The following SV2C variants were observed in gnomAD, a reference collection of about 807,000 sequenced individuals.
SV2C encodes the protein synaptic vesicle glycoprotein 2C.
A neutral mutation model predicts 79.7 loss-of-function variants in SV2C; 49 were observed. The observed-to-expected ratio is 0.61, with a 90% CI of 0.49 to 0.78. SV2C has a LOEUF of 0.78. SV2C is among the 30% of genes least tolerant of loss of function. The probability of loss-of-function intolerance (pLI) is 0.00; values close to 1 mark genes in which losing one functional copy is unlikely to be tolerated. For missense variants in SV2C, 833 were observed against 912.9 expected (o/e 0.91, Z 1.13); for synonymous variants, 334 against 333.2 (o/e 1.00, Z -0.03).
the SV2C span, among the ~76,000 whole-genome samples, chr5:75,901,102 G>C: frequency 5.9e-5 from 9 of 152,132 alleles, no homozygotes; most frequent in Non-Finnish European, 1.3e-4. Context: ...GTCATTCTCC[G>C]TCCAGCTTTG....
At chr5:76,212,377 C>T (rs964804373) in intron 4 of SV2C, among the ~76,000 whole-genome samples, 3 of 152,162 alleles carry the variant, frequency 2.0e-5, no homozygotes, top group Non-Finnish European at 4.4e-5. Flanking sequence ...TGCTGCCCCA[C>T]TTATCATCTC....
intron 4 of SV2C, among the ~76,000 whole-genome samples, chr5:76,246,551 C>A (rs1301999503): frequency 6.6e-6 from 1 of 152,172 alleles, no homozygotes; most frequent in African/African-American, 2.4e-5. Context: ...GGAGGAAAAT[C>A]TCTGACTTGT....
At chr5:76,315,903 C>T (rs1445338822) in intron 12 of SV2C, among the ~76,000 whole-genome samples, 1 of 152,186 alleles carries the variant, frequency 6.6e-6, no homozygotes, top group East Asian at 1.9e-4. Flanking sequence ...ATCATAAACA[C>T]TTTCCCTTGG....
chr5:75,899,810 T>C, the SV2C span, among the ~76,000 whole-genome samples: 2 of 152,070 alleles, frequency 1.3e-5, no homozygotes, highest in South Asian at 2.1e-4. Context: ...GATCCCTTTA[T>C]CAGTATGTAA....
the SV2C span, among the ~76,000 whole-genome samples, chr5:76,029,803 T>C: frequency 1.3e-5 from 2 of 152,212 alleles, no homozygotes; most frequent in African/African-American, 4.8e-5. Context: ...CCATTTACCG[T>C]GGCGATGTTT....
the SV2C span, among the ~76,000 whole-genome samples, chr5:76,038,946 A>G: frequency 1.3e-5 from 2 of 152,354 alleles, no homozygotes; most frequent in East Asian, 3.8e-4. Context: ...CCTTTCCAGA[A>G]GAAACAGTAG....
intron 4 of SV2C, 143 bp from the exon 5 acceptor site, chr5:76,285,019 C>G: frequency 1.6e-6 from 2 of 1,233,602 alleles, no homozygotes; most frequent in Non-Finnish European, 1.1e-6. Context: ...AGCTGGCCAC[C>G]ATGGATGATG....
the SV2C span, among the ~76,000 whole-genome samples, chr5:75,877,862 T>G: frequency 0.24 from 36,238 of 150,058 alleles, 7,901 homozygotes; most frequent in African/African-American, 0.59. Flanking sequence ...TTAATCAAAA[T>G]GAGAATAAGA....
rs559707701 is a variant in SV2C at position 76,121,738 on chromosome 5, T to G, written c.-101-9912T>G. Among the ~76,000 whole-genome samples, 3 of 152,144 alleles carry G rather than the reference T, an allele frequency of 2.0e-5. No individual in the cohort carries two copies. In the South Asian group the frequency reaches 6.2e-4, roughly 32 times the overall value. On this transcript the variant is annotated intron_variant, in intron 1 of 12. Transcript: ENST00000502798. ...GTTCCATTGATCTATATCTCTGTTT[T>G]GGTACCAGTACCATGCTGTTTTGGT... is the stretch of plus-strand genomic sequence containing the variant.
the SV2C span, among the ~76,000 whole-genome samples, chr5:76,043,111 C>G: frequency 0.023 from 3,461 of 152,226 alleles, 137 homozygotes; most frequent in African/African-American, 0.08. Flanking sequence ...GAGACTTCCA[C>G]GCAATAACGA....
intron 2 of SV2C, among the ~76,000 whole-genome samples, chr5:76,153,497 T>C (rs917929521): frequency 3.3e-5 from 5 of 152,220 alleles, no homozygotes; most frequent in African/African-American, 1.2e-4. Context: ...CAAACACTTA[T>C]TTCATATCTA....
the SV2C span, among the ~76,000 whole-genome samples, chr5:75,941,379 C>A: frequency 2.0e-5 from 3 of 152,168 alleles, no homozygotes; most frequent in African/African-American, 7.2e-5. Context: ...TAAACATCTT[C>A]TATAGCCAAT....
intron 1 of SV2C, among the ~76,000 whole-genome samples, chr5:76,127,079 T>A (rs1295949853): frequency 3.9e-5 from 6 of 152,216 alleles, no homozygotes. Flanking sequence ...GTTAGAAGAA[T>A]GGACTCTCCC....
At chr5:76,259,000 T>A (rs888795514) in intron 4 of SV2C, among the ~76,000 whole-genome samples, 2 of 152,342 alleles carry the variant, frequency 1.3e-5, no homozygotes, top group Non-Finnish European at 2.9e-5. Flanking sequence ...TTTATTGTTA[T>A]ATGGCATCCC....
chr5:76,035,867 G>C, the SV2C span, among the ~76,000 whole-genome samples: 2 of 151,634 alleles, frequency 1.3e-5, no homozygotes, highest in South Asian at 2.1e-4. Context: ...CCCATTATTA[G>C]TGTGTGGGAG....
At chr5:76,318,434 A>G (rs1008352230) in intron 12 of SV2C, among the ~76,000 whole-genome samples, 2 of 152,122 alleles carry the variant, frequency 1.3e-5, no homozygotes, top group African/African-American at 2.4e-5. Context: ...AAAGAAAGAA[A>G]AAAAAAACAG....
upstream of SV2C, among the ~76,000 whole-genome samples, chr5:76,081,097 A>G (rs1433394471): frequency 5.5e-4 from 83 of 152,228 alleles, no homozygotes; most frequent in Admixed American, 5.4e-3. Flanking sequence ...TTCCTAAAGG[A>G]GCTGTTACCT....
the SV2C span, among the ~76,000 whole-genome samples, chr5:75,941,700 TAGGCCTCAGAGGC>T: frequency 6.6e-6 from 1 of 152,172 alleles, no homozygotes; most frequent in Non-Finnish European, 1.5e-5. Context: ...TGGGGCACTT[TAGGCCTCAGAGGC>T]AGGCCTCAGG....
intron 4 of SV2C, among the ~76,000 whole-genome samples, chr5:76,277,119 G>A (rs555614757): frequency 3.9e-5 from 6 of 152,174 alleles, no homozygotes; most frequent in Non-Finnish European, 7.4e-5. Flanking sequence ...GGAAAGATGC[G>A]AAGCAGCTAG....
Sources: gnomAD v4.1 joint callset for allele counts (sites outside exome capture counted in the v4.1 genomes callset) on GRCh38, gnomAD v4.1.1 for gene constraint, MANE v1.5 for transcripts, NCBI Gene and HGNC (gene_info 2026-07-23, HGNC 2026-07-21) for gene names.